Variants in GPC5 observed in about 807,000 individuals in gnomAD.
GPC5 encodes glypican-5.
Under a neutral mutation model 53.9 loss-of-function variants are expected in GPC5, and 47 were observed. The ratio of observed to expected loss-of-function variants is 0.87; its 90% CI spans 0.69 to 1.11. The LOEUF (loss-of-function observed/expected upper bound fraction) is 1.11, where lower values mean the gene tolerates loss of function less well. Among genes scored for constraint, GPC5 ranks in the 50% most tolerant of loss-of-function variants. GPC5 has a pLI of 0.00. For synonymous variants in GPC5, 286 were observed against 263.3 expected, an observed-to-expected ratio of 1.09 and a Z score of -0.84; for missense variants, 748 against 713.1, an observed-to-expected ratio of 1.05 and a Z score of -0.56.
chr13:92,372,128 T>C (rs146404196), intron 7 of GPC5, among the ~76,000 whole-genome samples: 4 of 152,302 alleles, frequency 2.6e-5, no homozygotes, highest in Non-Finnish European at 4.4e-5. Flanking sequence ...CTGCCGACAC[T>C]GAGTTCAGCC....
At chr13:91,428,427 A>C (rs74604911) in intron 1 of GPC5, among the ~76,000 whole-genome samples, 5,398 of 152,256 alleles carry the variant, frequency 0.035, 144 homozygotes, top group Middle Eastern at 0.068. Flanking sequence ...ATTCAGAATG[A>C]GGTATGATAG....
intron 7 of GPC5, among the ~76,000 whole-genome samples, chr13:92,270,572 C>A (rs1333117214): frequency 6.6e-6 from 1 of 152,156 alleles, no homozygotes; most frequent in Non-Finnish European, 1.5e-5. Context: ...GTAAGTTACC[C>A]AGTCTCAAGT....
chr13:92,350,152 T>C (rs1242654241), intron 7 of GPC5, among the ~76,000 whole-genome samples: 1 of 152,166 alleles, frequency 6.6e-6, no homozygotes, highest in East Asian at 1.9e-4. Context: ...TCTTATTAGA[T>C]GCAGAAAAAA....
Position 92,165,846 on chromosome 13 carries a change from A to C in GPC5, c.1561+20857A>C, listed in dbSNP as rs531608936. On this transcript the variant is annotated intron_variant, in intron 7 of 7. Coordinates refer to ENST00000377067, the MANE Select transcript of GPC5 (RefSeq NM_004466.6). The stretch of plus-strand genomic sequence containing the variant: ...AACATATGTAATCTTAAAACTCTAT[A>C]TGATAGGTAATATTGCCAATTTTTG... Among the ~76,000 whole-genome samples the C allele has an allele frequency of 8.5e-4, 130 of 152,312 alleles. 2 individuals carry two copies. In the South Asian group the frequency reaches 0.025, roughly 30 times the overall value.
At chr13:92,369,543 A>G (rs2043633738) in intron 7 of GPC5, among the ~76,000 whole-genome samples, 2 of 152,212 alleles carry the variant, frequency 1.3e-5, no homozygotes, top group Non-Finnish European at 2.9e-5. Context: ...ATTGAACAGT[A>G]TGCACTCAAT....
chr13:92,011,578 C>G (rs953036240), intron 6 of GPC5, among the ~76,000 whole-genome samples: 11 of 152,030 alleles, frequency 7.2e-5, no homozygotes, highest in African/African-American at 2.4e-4. Context: ...GATGATGCTG[C>G]CAGTGTGAGA....
intron 3 of GPC5, among the ~76,000 whole-genome samples, chr13:91,694,900 C>T (rs565289380): frequency 4.6e-5 from 7 of 152,232 alleles, no homozygotes; most frequent in Admixed American, 6.5e-5. Context: ...TGAGCCACCG[C>T]GCCCAGCGAT....
At chr13:91,479,531 T>C (rs1254755373) in intron 2 of GPC5, among the ~76,000 whole-genome samples, 2 of 152,132 alleles carry the variant, frequency 1.3e-5, no homozygotes, top group African/African-American at 4.8e-5. Context: ...GAAAAACAGA[T>C]GGTTATTAAA....
chr13:92,009,253 C>CGTGAGTGTGTGT (rs2040638339), intron 6 of GPC5, among the ~76,000 whole-genome samples: 1 of 139,742 alleles, frequency 7.2e-6, no homozygotes, highest in Non-Finnish European at 1.5e-5. Flanking sequence ...GCTGGATTTT[C>CGTGAGTGTGTGT]GTGTGTGTGT....
At chr13:92,071,940 T>C (rs2041214924) in intron 6 of GPC5, among the ~76,000 whole-genome samples, 1 of 146,516 alleles carries the variant, frequency 6.8e-6, no homozygotes, top group East Asian at 2.0e-4. Context: ...TATACTTACA[T>C]GTGTATATTA....
intron 7 of GPC5, among the ~76,000 whole-genome samples, chr13:92,214,345 G>A (rs1386266130): frequency 2.6e-5 from 4 of 152,268 alleles, no homozygotes; most frequent in Non-Finnish European, 4.4e-5. Flanking sequence ...GAAGACCAGT[G>A]GCACTTAATT....
At chr13:91,746,541 A>G (rs1566656086) in intron 4 of GPC5, among the ~76,000 whole-genome samples, 1 of 152,218 alleles carries the variant, frequency 6.6e-6, no homozygotes, top group Admixed American at 6.5e-5. Context: ...ATAAATGTTT[A>G]AAATGAAACA....
chr13:92,443,640 A>G (rs1043827257), intron 7 of GPC5, among the ~76,000 whole-genome samples: 1 of 152,240 alleles, frequency 6.6e-6, no homozygotes, highest in African/African-American at 2.4e-5. Context: ...AAATAGTTCA[A>G]GGTATAATGA....
chr13:91,754,336 C>T (rs975188656), intron 4 of GPC5, among the ~76,000 whole-genome samples: 4 of 151,960 alleles, frequency 2.6e-5, no homozygotes, highest in African/African-American at 7.3e-5. Flanking sequence ...TAGTGTAGTA[C>T]GTCCAGAGAA....
At chr13:92,577,188 C>A (rs538611849) in intron 7 of GPC5, among the ~76,000 whole-genome samples, 1 of 152,210 alleles carries the variant, frequency 6.6e-6, no homozygotes, top group Non-Finnish European at 1.5e-5. Context: ...CTGTTGAATT[C>A]TCCTCCTGGA....
rs76110649 is a variant in GPC5 at position 92,228,177 on chromosome 13, C to T, written c.1561+83188C>T. On this transcript the variant is annotated intron_variant, in intron 7 of 7. Coordinates refer to ENST00000377067, the MANE Select transcript of GPC5 (RefSeq NM_004466.6). Reference sequence around the variant, plus strand: ...AAGATGGAAGGCGAAGAAGGAGAGGCAGGCACACTTGGTGTAACTTTTGTT... The same window carrying T: ...AAGATGGAAGGCGAAGAAGGAGAGGTAGGCACACTTGGTGTAACTTTTGTT... Among the ~76,000 whole-genome samples, 4 of 145,286 alleles carry T rather than the reference C, an allele frequency of 2.8e-5. No homozygotes were observed. The East Asian group carries it at 5.9e-4, about 21-fold the overall frequency.
Position 91,543,260 on chromosome 13 carries a change from T to C in GPC5, c.325+94338T>C, listed in dbSNP as rs539467686. On this transcript the variant is annotated intron_variant, in intron 2 of 7. Transcript: ENST00000377067. ...CATGCGCCTTGGCCTCCCAAAGTTC[T>C]GGGATTACAGGTGTGAGCCACCGCT... is the stretch of plus-strand genomic sequence containing the variant. Among the ~76,000 whole-genome samples the C allele has an allele frequency of 2.0e-5, 3 of 152,302 alleles. No homozygotes were observed. In the South Asian group the frequency reaches 6.2e-4, roughly 32 times the overall value.
chr13:92,840,161 T>G (rs1878389194), intron 7 of GPC5, among the ~76,000 whole-genome samples: 1 of 147,996 alleles, frequency 6.8e-6, no homozygotes, highest in Non-Finnish European at 1.5e-5. Context: ...GACCGACATA[T>G]TTCACTTAGC....
chr13:91,905,980 G>A (rs1287890466), intron 5 of GPC5, among the ~76,000 whole-genome samples: 9 of 151,960 alleles, frequency 5.9e-5, no homozygotes, highest in African/African-American at 1.4e-4. Flanking sequence ...TTTATTGCAC[G>A]TGTCACCTGA....
Sources: allele counts gnomAD v4.1 joint callset (sites outside exome capture counted in the v4.1 genomes callset), GRCh38; gene constraint gnomAD v4.1.1; transcripts MANE v1.5; gene names NCBI Gene and HGNC (gene_info 2026-07-23, HGNC 2026-07-21).